The following ITGA8 variants were observed in gnomAD, a reference collection of about 807,000 sequenced individuals.
The protein encoded by ITGA8 is integrin alpha-8.
ITGA8 carries 91 observed loss-of-function variants against 142.3 expected under a neutral mutation model. That is an observed-to-expected ratio of 0.64 (90% confidence interval 0.54 to 0.76). ITGA8 has a LOEUF of 0.76. Ranked by LOEUF, ITGA8 falls within the 30% of genes least tolerant of loss-of-function variation. The pLI, the probability that ITGA8 is intolerant of heterozygous loss-of-function variation, is 0.00. For missense variants in ITGA8, 1,406 were observed against 1,327.7 expected (o/e 1.06, Z -0.92); for synonymous variants, 505 against 485.2 (o/e 1.04, Z -0.54).
intron 28 of ITGA8, among the ~76,000 whole-genome samples, chr10:15,529,775 A>T (rs1833253343): frequency 6.6e-6 from 1 of 152,210 alleles, no homozygotes; most frequent in African/African-American, 2.4e-5. Context: ...CTAGAAAGAG[A>T]TGACAATATT....
At position 15,634,837 on chromosome 10, in the gene ITGA8, AGCTC is replaced by A. The variant is rs1833743222; in HGVS notation, c.1399+9189_1399+9192del. On this transcript the variant is annotated intron_variant, in intron 13 of 29. Coordinates refer to ENST00000378076, the MANE Select transcript of ITGA8 (RefSeq NM_003638.3). ...CGAATAGGTCCATTGATTCATTAATAGCTCATTGTACTATGTTTACATAAGATGT... is the reference window on the plus strand; with the variant it reads ...CGAATAGGTCCATTGATTCATTAATAATTGTACTATGTTTACATAAGATGT... Among the ~76,000 whole-genome samples, 4 of 152,138 alleles carry A rather than the reference AGCTC, an allele frequency of 2.6e-5. No individual in the cohort carries two copies. In the South Asian group the frequency reaches 8.3e-4, roughly 32 times the overall value.
intron 22 of ITGA8, among the ~76,000 whole-genome samples, chr10:15,590,977 G>A (rs74228703): frequency 0.051 from 7,755 of 152,132 alleles, 256 homozygotes; most frequent in East Asian, 0.13. Flanking sequence ...TTTGTGACAT[G>A]GGTTGTGGAT....
At chr10:15,707,617 G>A (rs531153652) in intron 2 of ITGA8, among the ~76,000 whole-genome samples, 1 of 152,168 alleles carries the variant, frequency 6.6e-6, no homozygotes, top group South Asian at 2.1e-4. Context: ...GAGGTCAGCA[G>A]TTCGAGAGCA....
At chr10:15,560,398 TA>T (rs1833954404) in intron 25 of ITGA8, among the ~76,000 whole-genome samples, 1 of 152,254 alleles carries the variant, frequency 6.6e-6, no homozygotes, top group Non-Finnish European at 1.5e-5. Flanking sequence ...AACAAATGGA[TA>T]ATTATTTAAA....
chr10:15,569,529 C>T (rs1834141508), intron 25 of ITGA8, among the ~76,000 whole-genome samples: 1 of 152,140 alleles, frequency 6.6e-6, no homozygotes, highest in Non-Finnish European at 1.5e-5. Context: ...CTGCTGCCTC[C>T]CTGTTCCTTT....
intron 6 of ITGA8, among the ~76,000 whole-genome samples, chr10:15,673,095 GT>G (rs1457579941): frequency 1.3e-5 from 2 of 152,110 alleles, no homozygotes; most frequent in East Asian, 1.9e-4. Flanking sequence ...GTTTGTTTTT[GT>G]TTTTTGGGAC....
intron 4 of ITGA8, among the ~76,000 whole-genome samples, chr10:15,683,248 ACT>A (rs1030727146): frequency 1.4e-4 from 21 of 151,744 alleles, no homozygotes; most frequent in Non-Finnish European, 2.6e-4. Flanking sequence ...TAATTAAAGG[ACT>A]CTGAGTAGAT....
chr10:15,623,721 A>T (rs1833534623), intron 13 of ITGA8, among the ~76,000 whole-genome samples: 1 of 152,100 alleles, frequency 6.6e-6, no homozygotes, highest in African/African-American at 2.4e-5. Context: ...ATAAATAAAG[A>T]TACATTTTAT....
chr10:15,546,030 T>A (rs891451191), intron 27 of ITGA8, among the ~76,000 whole-genome samples: 2 of 152,220 alleles, frequency 1.3e-5, no homozygotes, highest in South Asian at 4.1e-4. Flanking sequence ...TGTTCTGGCC[T>A]CAGGGCCTTT....
At chr10:15,558,020 G>A (rs1228478782) in intron 26 of ITGA8, 54 bp downstream of exon 26, 9 of 1,602,994 alleles carry the variant, frequency 5.6e-6, no homozygotes, top group Non-Finnish European at 7.7e-6. Flanking sequence ...GTATTTGAGG[G>A]TTCTATCCAA....
intron 1 of ITGA8, 102 bp downstream of exon 1, chr10:15,719,461 C>G: frequency 9.2e-7 from 1 of 1,082,686 alleles, no homozygotes; most frequent in Non-Finnish European, 1.3e-6. Context: ...GGCGGCAGGA[C>G]GGGGATCCCA....
chr10:15,607,924 A>T, intron 16 of ITGA8, 93 bp from the exon 17 acceptor site: 1 of 1,133,080 alleles, frequency 8.8e-7, no homozygotes, highest in South Asian at 1.4e-5. Context: ...CTTATTCAGG[A>T]AACAGTTCTT....
intron 2 of ITGA8, among the ~76,000 whole-genome samples, chr10:15,707,492 C>G (rs1056191542): frequency 1.8e-4 from 28 of 152,148 alleles, no homozygotes; most frequent in Admixed American, 1.8e-3. Flanking sequence ...GATGCTAGCC[C>G]AGGGAGACCC....
At chr10:15,597,975 G>C (rs1217156177) in intron 20 of ITGA8, among the ~76,000 whole-genome samples, 1 of 152,158 alleles carries the variant, frequency 6.6e-6, no homozygotes, top group East Asian at 1.9e-4. Flanking sequence ...GGGAAATACA[G>C]ATTTGTTCTG....
At chr10:15,668,471 G>C (rs12763353) in intron 8 of ITGA8, among the ~76,000 whole-genome samples, 136,365 of 147,430 alleles carry the variant, frequency 0.92, 63,907 homozygotes, top group Non-Finnish European at 1. Flanking sequence ...GACTCTTTAT[G>C]CGATTTGCCA....
chr10:15,592,386 C>T (rs1832942386), intron 21 of ITGA8, 82 bp from the exon 22 acceptor site: 5 of 987,538 alleles, frequency 5.1e-6, no homozygotes, highest in Non-Finnish European at 6.2e-6. Context: ...CAAAACCCCA[C>T]CCTGGATCAC....
chr10:15,666,979 CTT>C (rs1220867896), intron 8 of ITGA8, among the ~76,000 whole-genome samples: 1 of 152,124 alleles, frequency 6.6e-6, no homozygotes, highest in Non-Finnish European at 1.5e-5. Context: ...CTAAAATTCT[CTT>C]GTTTTGTTGT....
chr10:15,606,166 T>C, intron 18 of ITGA8, 119 bp downstream of exon 18: 1 of 858,372 alleles, frequency 1.2e-6, no homozygotes, highest in Non-Finnish European at 1.8e-6. Flanking sequence ...CTCCCAAATG[T>C]TCCATGTCTG....
At chr10:15,677,468 T>G in intron 6 of ITGA8, 124 bp downstream of exon 6, 4 of 732,238 alleles carry the variant, frequency 5.5e-6, no homozygotes, top group Non-Finnish European at 8.9e-6. Flanking sequence ...ACGCTTCATT[T>G]GAGAAACTAT....
Sources: allele counts gnomAD v4.1 joint callset (sites outside exome capture counted in the v4.1 genomes callset), GRCh38; gene constraint gnomAD v4.1.1; transcripts MANE v1.5; gene names NCBI Gene and HGNC (gene_info 2026-07-23, HGNC 2026-07-21).